Variants in ACOX1 observed in about 807,000 individuals in gnomAD.
The protein encoded by ACOX1 is peroxisomal acyl-coenzyme A oxidase 1.
Under a neutral mutation model 75.5 loss-of-function variants are expected in ACOX1, and 41 were observed. That is an observed-to-expected ratio of 0.54 (90% CI 0.42 to 0.70). ACOX1 has a LOEUF of 0.70. Ranked by LOEUF, ACOX1 falls within the 30% of genes least tolerant of loss-of-function variation. ACOX1 has a pLI of 0.00. For missense variants in ACOX1, 630 were observed against 837.5 expected, an observed-to-expected ratio of 0.75 and a Z score of 3.06; for synonymous variants, 303 against 298.8, an observed-to-expected ratio of 1.01 and a Z score of -0.15.
rs551537891 is a variant in ACOX1 at position 75,975,005 on chromosome 17, G to A, written c.269+3529C>T. 2.4e-5 allele frequency among the ~76,000 whole-genome samples: 3 copies of A among 125,248 alleles called. No homozygotes were observed. The Admixed American group carries it at 3.0e-4, about 13-fold the overall frequency. The allele number at this position is 125,248 out of a possible 152,430, so 82.2% of individuals were successfully genotyped here. A position where few individuals can be genotyped will look rare whatever the true frequency, so the allele number is the denominator to read the frequency against. ...GCGGAGCTTGTAGTGAGCCGAGATC[G>A]CACCACTGCACTCCAGCCTGGGCGA... On this transcript the variant is annotated intron_variant, in intron 2 of 13. Transcript: ENST00000293217.
Position 75,945,548 on chromosome 17 carries a change from A to G in ACOX1, c.*1200T>C, listed in dbSNP as rs1490655894. Reference sequence around the variant, plus strand: ...TTTCATGAGGCATATGGCGTAGATTAAAAAAAAACAAAACAAAGTGACTTA... The same window carrying G: ...TTTCATGAGGCATATGGCGTAGATTGAAAAAAAACAAAACAAAGTGACTTA... On this transcript the variant is annotated 3_prime_UTR_variant, in exon 14 of 14. Transcript: ENST00000293217. 1 of 151,796 alleles carries G rather than the reference A, an allele frequency of 6.6e-6. No individual in the cohort carries two copies. The highest frequency in any genetic ancestry group is 1.5e-5 in the Non-Finnish European group (1 of 67,732). 9.4% of individuals were successfully genotyped at this position (151,796 alleles called of 1,614,324 possible).
At chr17:75,952,025 G>A (rs2065779659) in intron 7 of ACOX1, among the ~76,000 whole-genome samples, 1 of 152,014 alleles carries the variant, frequency 6.6e-6, no homozygotes, top group Non-Finnish European at 1.5e-5. Context: ...GTACTGCGTA[G>A]GCTGACAGAA....
chr17:75,970,816 A>T (rs553152283), intron 2 of ACOX1, among the ~76,000 whole-genome samples: 1 of 152,342 alleles, frequency 6.6e-6, no homozygotes, highest in East Asian at 1.9e-4. Flanking sequence ...TGTATTCCAT[A>T]TAAGATAAAA....
Position 75,957,586 on chromosome 17 carries a change from T to G in ACOX1, c.431-20A>C. Reference sequence around the variant, plus strand: ...GAGTTCCTAAGGAGATAAATTACATTGACTTCAGTTAAGAGATGGGGAAAA... The same window carrying G: ...GAGTTCCTAAGGAGATAAATTACATGGACTTCAGTTAAGAGATGGGGAAAA... On this transcript the variant is annotated intron_variant, in intron 3 of 13. Transcript: ENST00000293217. 6.3e-7 allele frequency: 1 copy of G among 1,594,378 alleles called. No homozygotes were observed. Among genetic ancestry groups the G allele is most frequent in the South Asian group, 1.1e-5 (1 of 90,694 alleles).
intron 3 of ACOX1, among the ~76,000 whole-genome samples, chr17:75,958,245 A>G (rs777799813): frequency 6.7e-6 from 1 of 150,052 alleles, no homozygotes; most frequent in Non-Finnish European, 1.5e-5. Context: ...CCCAGCTACT[A>G]AGGAGGCTGA....
In ACOX1 at chr17:75,941,839, A is replaced by T. The variant is rs553502154; in HGVS notation, c.*4909T>A. ...GTTGAATCCATAACTGGAAATAAAA[A>T]GGCATTTATGAAGTGTAGTCCGCAG... On this transcript the variant is annotated 3_prime_UTR_variant, in exon 14 of 14. Transcript: ENST00000293217. 1.3e-5 allele frequency: 2 copies of T among 152,386 alleles called. No homozygotes were observed. Among genetic ancestry groups the T allele is most frequent in the East Asian group, 3.9e-4 (2 of 5,194 alleles). 9.4% of individuals were successfully genotyped at this position (152,386 alleles called of 1,614,324 possible).
intron 2 of ACOX1, among the ~76,000 whole-genome samples, chr17:75,970,833 C>T (rs1458789926): frequency 6.6e-6 from 1 of 152,148 alleles, no homozygotes; most frequent in Non-Finnish European, 1.5e-5. Context: ...AAAACCGTCA[C>T]GTGATGCAAA....
At chr17:75,958,515 C>CA (rs1222851399) in intron 3 of ACOX1, among the ~76,000 whole-genome samples, 1 of 141,608 alleles carries the variant, frequency 7.1e-6, no homozygotes, top group South Asian at 2.2e-4. Flanking sequence ...AAAAAAACAA[C>CA]AAAAAAATTA....
At chr17:75,977,751 G>A (rs752176663) in intron 2 of ACOX1, among the ~76,000 whole-genome samples, 2 of 151,654 alleles carry the variant, frequency 1.3e-5, no homozygotes, top group Non-Finnish European at 2.9e-5. Context: ...ATTCAGAGGC[G>A]TCACAGATCA....
At chr17:75,973,488 C>T (rs540229652) in intron 2 of ACOX1, 5 of 930,138 alleles carry the variant, frequency 5.4e-6, no homozygotes, top group Non-Finnish European at 8.6e-6. Context: ...TAGGAGAAAA[C>T]AAGAAGTTGA....
rs1431462980 is a variant in ACOX1, at chr17:75,950,131, T to C, written c.1299-234A>G. On this transcript the variant is annotated intron_variant, in intron 9 of 13. Transcript: ENST00000293217. The surrounding 1 kb of genome is among the most constrained non-coding windows in gnomAD (Gnocchi z 4.3). ...GCTAATTTTTAATATTTTGTTTTTT[T>C]AGTAGAGACAGGGTTTTACCATGTT... Among the ~76,000 whole-genome samples, 3 of 151,994 alleles carry C rather than the reference T, an allele frequency of 2.0e-5. No individual in the cohort carries two copies. The highest frequency in any genetic ancestry group is 1.3e-4 in the Admixed American group (2 of 15,248).
In ACOX1 at chr17:75,942,100, T is replaced by C. The variant is rs1454988590; in HGVS notation, c.*4648A>G. 1.3e-5 allele frequency: 2 copies of C among 152,088 alleles called. No individual in the cohort carries two copies. Among genetic ancestry groups the C allele is most frequent in the African/African-American group, 2.4e-5 (1 of 41,410 alleles). 9.4% of individuals were successfully genotyped at this position (152,088 alleles called of 1,614,324 possible). A position where few individuals can be genotyped will look rare whatever the true frequency, so the allele number is the denominator to read the frequency against. On this transcript the variant is annotated 3_prime_UTR_variant, in exon 14 of 14. Transcript: ENST00000293217. The stretch of plus-strand genomic sequence containing the variant: ...TTTCTGTGTTTACTATCATGAACCA[T>C]AGGAAGAAGTACTGGAAAATTTAGT...
intron 3 of ACOX1, among the ~76,000 whole-genome samples, chr17:75,957,938 A>G (rs1163438714): frequency 6.6e-6 from 1 of 152,250 alleles, no homozygotes; most frequent in Non-Finnish European, 1.5e-5. Context: ...AGTTGCAAGT[A>G]TGCCAATTTC....
chr17:75,966,508 G>A (rs1346668449), intron 2 of ACOX1, among the ~76,000 whole-genome samples: 3 of 148,160 alleles, frequency 2.0e-5, no homozygotes, highest in Non-Finnish European at 3.0e-5. Context: ...AATAAAAATA[G>A]AGTAAAAAGT....
chr17:75,951,959 C>T (rs1598176772), intron 7 of ACOX1, among the ~76,000 whole-genome samples: 1 of 152,184 alleles, frequency 6.6e-6, no homozygotes, highest in East Asian at 1.9e-4. Flanking sequence ...GGATTACAGG[C>T]ATGAGCCACG....
At position 75,950,409 on chromosome 17, in the gene ACOX1, G is replaced by A. The variant is rs999557842; in HGVS notation, c.1298+365C>T. Among the ~76,000 whole-genome samples the A allele has an allele frequency of 1.3e-5, 2 of 151,998 alleles. No individual in the cohort carries two copies. The highest frequency in any genetic ancestry group is 1.5e-5 in the Non-Finnish European group (1 of 68,024). On this transcript the variant is annotated intron_variant, in intron 9 of 13. Transcript: ENST00000293217. This position sits in a 1 kb window ranked among gnomAD's most constrained non-coding sequence, Gnocchi z 4.3. ...TTACAGGCAATGTGCCATCATGCCC[G>A]GCTAATTTTTTTGTATTTTTTTAGT...
rs8065681 is a variant in ACOX1, at chr17:75,958,546, C to A, written c.431-980G>T. On this transcript the variant is annotated intron_variant, in intron 3 of 13. Coordinates refer to ENST00000293217, the MANE Select transcript of ACOX1 (RefSeq NM_004035.7). Reference sequence around the variant, plus strand: ...AATTAAAGCTGGGCACGGTGGCTCACGCCTGTAATCCCAGCACTTTGGGGG... The same window carrying A: ...AATTAAAGCTGGGCACGGTGGCTCAAGCCTGTAATCCCAGCACTTTGGGGG... Among the ~76,000 whole-genome samples, 21 of 139,376 alleles carry A rather than the reference C, an allele frequency of 1.5e-4. 1 individual carries two copies. The highest frequency in any genetic ancestry group is 4.4e-4 in the South Asian group (2 of 4,520). 91.4% of individuals were successfully genotyped at this position (139,376 alleles called of 152,430 possible). A position where few individuals can be genotyped will look rare whatever the true frequency, so the allele number is the denominator to read the frequency against.
chr17:75,943,231 A>AG lies in ACOX1; in HGVS notation c.*3516_*3517insC, dbSNP rs1358049404. The stretch of plus-strand genomic sequence containing the variant: ...GACTCCATCTCAAAAAAAAAAAAAA[A>AG]AAAATTAACATGTTGGCCCAGTGCA... On this transcript the variant is annotated 3_prime_UTR_variant, in exon 14 of 14. Coordinates refer to ENST00000293217, the MANE Select transcript of ACOX1 (RefSeq NM_004035.7). The AG allele has an allele frequency of 6.6e-6, 1 of 151,976 alleles. No homozygotes were observed. The highest frequency in any genetic ancestry group is 2.4e-5 in the African/African-American group (1 of 41,300). The allele number at this position is 151,976 out of a possible 1,614,324, so 9.4% of individuals were successfully genotyped here.
chr17:75,952,598 A>G (rs1170479285), intron 7 of ACOX1, among the ~76,000 whole-genome samples: 1 of 151,762 alleles, frequency 6.6e-6, no homozygotes, highest in East Asian at 1.9e-4. Flanking sequence ...CTGGCCTTAA[A>G]ATTTAATTAA....
Sources: gnomAD v4.1 joint callset for allele counts (sites outside exome capture counted in the v4.1 genomes callset) on GRCh38, gnomAD v4.1.1 for gene constraint, Gnocchi (gnomAD v3.1) non-coding constraint, MANE v1.5 for transcripts, NCBI Gene and HGNC (gene_info 2026-07-23, HGNC 2026-07-21) for gene names.